CASP10: variants seen among roughly 807,000 people sequenced by gnomAD.
CASP10 encodes caspase 10, also known as caspase-10.
Under a neutral mutation model 48.5 loss-of-function variants are expected in CASP10, and 41 were observed. That is an observed-to-expected ratio of 0.85 (90% confidence interval 0.66 to 1.10). CASP10 has a LOEUF of 1.10. Ranked by LOEUF, CASP10 falls within the 50% of genes least tolerant of loss-of-function variation. The probability of loss-of-function intolerance (pLI) is 0.00; values close to 1 mark genes in which losing one functional copy is unlikely to be tolerated. For synonymous variants in CASP10, 232 were observed against 238.4 expected (o/e 0.97, Z 0.25); for missense variants, 614 against 614.5 (o/e 1.00, Z 0.01).
intron 2 of CASP10, among the ~76,000 whole-genome samples, chr2:201,187,173 A>G (rs1003799734): frequency 3.3e-5 from 5 of 152,200 alleles, no homozygotes; most frequent in Admixed American, 6.6e-5. Flanking sequence ...CCAGAAATCC[A>G]TATTTCCATT....
At chr2:201,227,742 G>T (rs1405819526) in intron 9 of CASP10, among the ~76,000 whole-genome samples, 1 of 150,506 alleles carries the variant, frequency 6.6e-6, no homozygotes, top group African/African-American at 2.5e-5. Context: ...TGTATTTTTA[G>T]TAGAGACAGG....
At chr2:201,202,922 C>G (rs2126036557) in intron 5 of CASP10, among the ~76,000 whole-genome samples, 1 of 152,258 alleles carries the variant, frequency 6.6e-6, no homozygotes, top group East Asian at 1.9e-4. Context: ...CCTCTCCTCC[C>G]CACCTCGATT....
rs192255542 is a variant in CASP10, at chr2:201,185,754, C to T, written c.-7-17C>T. 2.0e-4 allele frequency: 315 copies of T among 1,555,352 alleles called. 1 individual carries two copies. The African/African-American group carries it at 3.6e-3, about 18-fold the overall frequency. On this transcript the variant is annotated splice_polypyrimidine_tract_variant and intron_variant, in intron 1 of 9. Transcript: ENST00000286186. The stretch of plus-strand genomic sequence containing the variant: ...CTCACTCTCTAACTCCCTGCCCCAC[C>T]TCTCTGTCCCTTTCAGGCTGGCCAT...
chr2:201,201,239 T>C (rs1945008876), intron 5 of CASP10, among the ~76,000 whole-genome samples: 1 of 151,728 alleles, frequency 6.6e-6, no homozygotes, highest in African/African-American at 2.4e-5. Flanking sequence ...TTTTAGTAGA[T>C]ACAGGATTTC....
exon 10 of CASP10, chr2:201,229,265 C>T: frequency 1.5e-6 from 1 of 670,078 alleles, no homozygotes. Context: ...CCTGTGTCAT[C>T]TTTCTTGTTT....
chr2:201,229,130 G>C (rs1257589234), exon 10 of CASP10: 1 of 1,612,360 alleles, frequency 6.2e-7, no homozygotes, highest in Admixed American at 1.7e-5. Flanking sequence ...CACATCGCCT[G>C]AGATTGACAA....
At chr2:201,194,087 TTGTG>T (rs139975621) in intron 4 of CASP10, among the ~76,000 whole-genome samples, 22,817 of 148,352 alleles carry the variant, frequency 0.15, 2,176 homozygotes, top group Non-Finnish European at 0.22. Flanking sequence ...CTTTATTTTC[TTGTG>T]TGTGTGTGTG....
At chr2:201,193,141 AC>A in intron 4 of CASP10, 22 bp downstream of exon 4, 1 of 1,611,152 alleles carries the variant, frequency 6.2e-7, no homozygotes, top group Non-Finnish European at 8.5e-7. Flanking sequence ...GTGATTGCTA[AC>A]TTGGACCAGA....
In CASP10 at chr2:201,203,761, G is replaced by A. The variant is rs753750651; in HGVS notation, c.716G>A (p.Ser239Asn). 6.2e-7 allele frequency: 1 copy of A among 1,612,944 alleles called. No individual in the cohort carries two copies. The highest frequency in any genetic ancestry group is 1.1e-5 in the South Asian group (1 of 91,066). ...QESWQNKHAG[S>N]NGNRATNGAP... ...TCCTGGCAAAATAAGCATGCAGGTA[G>A]TAATGGTAGGTATTTCTAATGTACT... The change falls in exon 6 of 10, where the codon AGT becomes AAT. Residue 239 changes from serine (S) to asparagine (N), a missense_variant. Ser to Asn is a conservative substitution (Grantham distance 46). Transcript: ENST00000286186.
chr2:201,200,774 CA>C, intron 5 of CASP10: 4 of 1,169,096 alleles, frequency 3.4e-6, no homozygotes, highest in Non-Finnish European at 3.2e-6. Context: ...CCATCTCCCC[CA>C]ATGGGAAATA....
At chr2:201,228,985 G>C in exon 10 of CASP10, 2 of 1,614,148 alleles carry the variant, frequency 1.2e-6, no homozygotes. Flanking sequence ...GAAGAGAACA[G>C]TGTGGGGTGC....
intron 9 of CASP10, among the ~76,000 whole-genome samples, chr2:201,215,926 C>G (rs1945555601): frequency 6.6e-6 from 1 of 151,996 alleles, no homozygotes; most frequent in African/African-American, 2.4e-5. Context: ...GGACTACAGG[C>G]ATTTGCCACT....
downstream of CASP10, among the ~76,000 whole-genome samples, chr2:201,225,089 C>T (rs1352437987): frequency 1.3e-5 from 2 of 152,168 alleles, no homozygotes; most frequent in Non-Finnish European, 2.9e-5. Flanking sequence ...CAACCACCTC[C>T]CATCATTCCA....
Position 201,185,809 on chromosome 2 carries a change from G to A in CASP10, c.32G>A (p.Ser11Asn), listed in dbSNP as rs1250801605. Reference sequence around the variant, plus strand: ...TCTCAAGGTCAACATTGGTATTCCAGTTCAGATAAAAACTGTAAAGTGAGC... The same window carrying A: ...TCTCAAGGTCAACATTGGTATTCCAATTCAGATAAAAACTGTAAAGTGAGC... Reference protein sequence around the residue: MKSQGQHWYSSSDKNCKVSFR... With the variant: MKSQGQHWYSNSDKNCKVSFR... Residue 11 changes from serine to asparagine, a missense_variant, in exon 2 of 10, where the codon AGT becomes AAT. Physicochemically the swap from Ser to Asn is conservative, Grantham distance 46. Transcript: ENST00000286186. 1 of 1,614,012 alleles carries A rather than the reference G, an allele frequency of 6.2e-7. No individual in the cohort carries two copies. The highest frequency in any genetic ancestry group is 2.2e-5 in the East Asian group (1 of 44,876).
At chr2:201,190,291 T>C (rs1944562156) in intron 3 of CASP10, among the ~76,000 whole-genome samples, 1 of 150,838 alleles carries the variant, frequency 6.6e-6, no homozygotes, top group Non-Finnish European at 1.5e-5. Flanking sequence ...CACATATGTA[T>C]ACACACACAC....
intron 9 of CASP10, chr2:201,228,868 AG>A: frequency 6.8e-7 from 1 of 1,478,174 alleles, no homozygotes; most frequent in Non-Finnish European, 9.4e-7. Flanking sequence ...CAGCCTCTCC[AG>A]GTCCTTGTGT....
At chr2:201,194,491 C>T (rs1170843643) in intron 4 of CASP10, among the ~76,000 whole-genome samples, 1 of 152,120 alleles carries the variant, frequency 6.6e-6, no homozygotes, top group Non-Finnish European at 1.5e-5. Flanking sequence ...TGAATAAATG[C>T]ATAATTTAAG....
chr2:201,198,757 G>A (rs1385900895), intron 5 of CASP10, among the ~76,000 whole-genome samples: 1 of 147,012 alleles, frequency 6.8e-6, no homozygotes, highest in Admixed American at 6.8e-5. Flanking sequence ...AGCCAGGATG[G>A]TCTCAATCTC....
chr2:201,223,856 G>A (rs1945754997), downstream of CASP10, among the ~76,000 whole-genome samples: 1 of 152,284 alleles, frequency 6.6e-6, no homozygotes, highest in African/African-American at 2.4e-5. Flanking sequence ...GGAGTACAGT[G>A]ATATCATCTT....
Sources: gnomAD v4.1 joint callset for allele counts (sites outside exome capture counted in the v4.1 genomes callset) on GRCh38, gnomAD v4.1.1 for gene constraint, MANE v1.5 for transcripts, NCBI Gene and HGNC (gene_info 2026-07-23, HGNC 2026-07-21) for gene names.